Variants in GMEB2 observed in about 807,000 individuals in gnomAD.
The protein encoded by GMEB2 is glucocorticoid modulatory element-binding protein 2.
Under a neutral mutation model 45.7 loss-of-function variants are expected in GMEB2, and 7 were observed. That is an observed-to-expected ratio of 0.15 (90% CI 0.09 to 0.29). The LOEUF (loss-of-function observed/expected upper bound fraction) is 0.29. Among genes scored for constraint, GMEB2 ranks in the 10% least tolerant of loss-of-function variants. The probability of loss-of-function intolerance (pLI) is 1.00; values close to 1 mark genes in which losing one functional copy is unlikely to be tolerated. For synonymous variants in GMEB2, 322 were observed against 323.6 expected (o/e 1.00, Z 0.05); for missense variants, 582 against 739.2 (o/e 0.79, Z 2.47).
chr20:63,606,973 G>C (rs958463955), intron 2 of GMEB2, among the ~76,000 whole-genome samples: 1 of 152,210 alleles, frequency 6.6e-6, no homozygotes, highest in Admixed American at 6.5e-5. Flanking sequence ...CTCCAATGGA[G>C]TCGTTGGTGA....
At chr20:63,614,370 C>CT (rs2089592746) in intron 2 of GMEB2, among the ~76,000 whole-genome samples, 2 of 152,224 alleles carry the variant, frequency 1.3e-5, no homozygotes, top group African/African-American at 4.8e-5. Flanking sequence ...TGCGAGCCTT[C>CT]TGTTATGCCT....
At chr20:63,605,526 TAAAA>T (rs11306158) in intron 2 of GMEB2, among the ~76,000 whole-genome samples, 3 of 128,350 alleles carry the variant, frequency 2.3e-5, no homozygotes, top group Admixed American at 7.9e-5. Flanking sequence ...CCGTCAAAAT[TAAAA>T]AAAAAAAAAA....
chr20:63,615,490 A>G (rs1332936955), intron 2 of GMEB2, among the ~76,000 whole-genome samples: 1 of 151,766 alleles, frequency 6.6e-6, no homozygotes, highest in Non-Finnish European at 1.5e-5. Context: ...CCACACCCAA[A>G]TAATTTTTAT....
intron 2 of GMEB2, among the ~76,000 whole-genome samples, chr20:63,614,577 G>A (rs12479460): frequency 0.1 from 15,533 of 152,208 alleles, 923 homozygotes; most frequent in African/African-American, 0.12. Context: ...CTCTTGCGGA[G>A]GGCCTGACAT....
intron 4 of GMEB2, among the ~76,000 whole-genome samples, chr20:63,598,134 T>G (rs1569050383): frequency 6.6e-6 from 1 of 152,180 alleles, no homozygotes; most frequent in African/African-American, 2.4e-5. Flanking sequence ...CCACACCAGG[T>G]AGAAGGTGTG....
intron 2 of GMEB2, among the ~76,000 whole-genome samples, chr20:63,607,335 A>C (rs2089529078): frequency 1.9e-5 from 1 of 52,346 alleles, no homozygotes; most frequent in African/African-American, 7.2e-5. Flanking sequence ...TGCCCCTCTG[A>C]CCTCACCTCC....
At position 63,619,240 on chromosome 20, in the gene GMEB2, C is replaced by A; in HGVS notation, c.131+27G>T. On this transcript the variant is annotated intron_variant, in intron 2 of 9. Transcript: ENST00000370077. The surrounding 1 kb of genome is among the most constrained non-coding windows in gnomAD (Gnocchi z 4.6). ...CAGCCCAACCCAAGCCCCCATCAGC[C>A]CCAATGGCACCGAGGCCCGAGCTTA... The A allele has an allele frequency of 6.3e-7, 1 of 1,586,286 alleles. No homozygotes were observed.
intron 2 of GMEB2, among the ~76,000 whole-genome samples, chr20:63,614,897 C>A (rs1386223701): frequency 6.6e-6 from 1 of 152,212 alleles, no homozygotes; most frequent in Admixed American, 6.5e-5. Context: ...CCTTACCCTG[C>A]CGCTTTGTCT....
intron 4 of GMEB2, among the ~76,000 whole-genome samples, chr20:63,601,745 G>C (rs1171010475): frequency 1.3e-5 from 2 of 152,220 alleles, no homozygotes; most frequent in African/African-American, 4.8e-5. Context: ...CCCAACAGCC[G>C]AGGCTGCTGC....
At chr20:63,609,586 C>CCA (rs1324829321) in intron 2 of GMEB2, among the ~76,000 whole-genome samples, 1 of 17,784 alleles carries the variant, frequency 5.6e-5, no homozygotes, top group African/African-American at 1.2e-4. Flanking sequence ...CCCCTCTGAC[C>CCA]CACCTCCATT....
intron 5 of GMEB2, among the ~76,000 whole-genome samples, chr20:63,596,258 C>G (rs1033759912): frequency 7.9e-5 from 12 of 152,264 alleles, no homozygotes; most frequent in African/African-American, 2.9e-4. Context: ...GCACCAACGG[C>G]CATGGCTGCC....
chr20:63,593,084 T>C lies in GMEB2; in HGVS notation c.620-2A>G, dbSNP rs1295232049. On this transcript the variant is annotated splice_acceptor_variant, in intron 6 of 9. Coordinates refer to ENST00000370077, the MANE Select transcript of GMEB2 (RefSeq NM_012384.5). LOFTEE classifies it high-confidence loss of function. The surrounding 1 kb of genome is among the most constrained non-coding windows in gnomAD (Gnocchi z 4.7). ...TGATGGTCGCAGGAGACCCATTCAC[T>C]GCAGCCGAAAGGGAACCTCGGGTGA... 6.2e-7 allele frequency: 1 copy of C among 1,606,232 alleles called. No homozygotes were observed. Among genetic ancestry groups the C allele is most frequent in the Non-Finnish European group, 8.5e-7 (1 of 1,174,024 alleles).
At chr20:63,618,001 G>A (rs2089621363) in intron 2 of GMEB2, among the ~76,000 whole-genome samples, 2 of 149,772 alleles carry the variant, frequency 1.3e-5, no homozygotes, top group Admixed American at 1.3e-4. Flanking sequence ...ACTCATTGCA[G>A]GCCATGTCAG....
At position 63,589,042 on chromosome 20, in the gene GMEB2, G is replaced by A. The variant is rs1288784734; in HGVS notation, c.*1047C>T. ...AGAGACCACCAAGGGCCAGCCCAGG[G>A]GCTGCATGGGGGCCGGGGGCCAGGG... On this transcript the variant is annotated 3_prime_UTR_variant, in exon 10 of 10. Coordinates refer to ENST00000370077, the MANE Select transcript of GMEB2 (RefSeq NM_012384.5). The A allele has an allele frequency of 5.0e-6, 2 of 399,026 alleles. No individual in the cohort carries two copies. The allele number at this position is 399,026 out of a possible 1,614,324, so 24.7% of individuals were successfully genotyped here.
At chr20:63,596,624 T>C (rs2083202589) in intron 5 of GMEB2, among the ~76,000 whole-genome samples, 1 of 152,198 alleles carries the variant, frequency 6.6e-6, no homozygotes, top group African/African-American at 2.4e-5. Flanking sequence ...TAGTCACTCG[T>C]GAGGTCTCAA....
chr20:63,609,050 T>G (rs2089545428), intron 2 of GMEB2, among the ~76,000 whole-genome samples: 1 of 87,506 alleles, frequency 1.1e-5, no homozygotes, highest in Non-Finnish European at 2.7e-5. Flanking sequence ...CACCTCCATT[T>G]CTAGAAACAT....
chr20:63,611,069 A>AGT (rs2089566322), intron 2 of GMEB2, among the ~76,000 whole-genome samples: 2 of 152,314 alleles, frequency 1.3e-5, no homozygotes, highest in South Asian at 4.1e-4. Flanking sequence ...AGAAATGACC[A>AGT]GTGTCTGCTG....
chr20:63,612,697 G>T (rs960802651), intron 2 of GMEB2, among the ~76,000 whole-genome samples: 2 of 152,170 alleles, frequency 1.3e-5, no homozygotes, highest in African/African-American at 4.8e-5. Flanking sequence ...AGAAGTCCAG[G>T]CCTCCAGGTG....
rs146548550 is a variant in GMEB2 at position 63,593,056 on chromosome 20, T to C, written c.646A>G (p.Ile216Val). ...TCGCCAGGGTCTTCACAGGTCTCTA[T>C]GGTGATGGTCGCAGGAGACCCATTC... ...DVNGSPATIT[I>V]ETCEDPGDWT... Residue 216 changes from isoleucine to valine, a missense_variant, in exon 7 of 10, where the codon ATA (isoleucine) becomes GTA (valine). Transcript: ENST00000370077. This position sits in a 1 kb window ranked among gnomAD's most constrained non-coding sequence, Gnocchi z 4.7. The C allele has an allele frequency of 1.2e-6, 2 of 1,611,894 alleles. No homozygotes were observed. Among genetic ancestry groups the C allele is most frequent in the African/African-American group, 1.3e-5 (1 of 74,864 alleles).
Sources: gnomAD v4.1 joint callset for allele counts (sites outside exome capture counted in the v4.1 genomes callset) on GRCh38, gnomAD v4.1.1 for gene constraint, Gnocchi (gnomAD v3.1) non-coding constraint, MANE v1.5 for transcripts, NCBI Gene and HGNC (gene_info 2026-07-23, HGNC 2026-07-21) for gene names.